INTS7: variants seen among roughly 807,000 people sequenced by gnomAD.
INTS7 encodes integrator complex subunit 7, also known as chromosome 1 open reading frame 73.
A neutral mutation model predicts 109.2 loss-of-function variants in INTS7; 46 were observed. The observed-to-expected ratio is 0.42, with a 90% confidence interval of 0.33 to 0.54. The LOEUF (loss-of-function observed/expected upper bound fraction) is 0.54, where lower values mean the gene tolerates loss of function less well. INTS7 is among the 20% of genes least tolerant of loss of function. The pLI is 0.07. For synonymous variants in INTS7, 412 were observed against 402.9 expected, an observed-to-expected ratio of 1.02 and a Z score of -0.27; for missense variants, 929 against 1,132.4, an observed-to-expected ratio of 0.82 and a Z score of 2.58.
chr1:212,035,504 T>TCC lies in INTS7; in HGVS notation c.-69_-68dup. 3 of 1,173,160 alleles carry TCC rather than the reference T, an allele frequency of 2.6e-6. No individual in the cohort carries two copies. The highest frequency in any genetic ancestry group is 2.3e-5 in the East Asian group (1 of 42,830). The allele number at this position is 1,173,160 out of a possible 1,614,324, so 72.7% of individuals were successfully genotyped here. On this transcript the variant is annotated 5_prime_UTR_variant, in exon 1 of 20. Transcript: ENST00000366994. The stretch of plus-strand genomic sequence containing the variant: ...AAACTCTACCCCAGGACCGCCATCT[T>TCC]CCCCCGCCGCCTTCTTGCTGGTTTT...
chr1:212,007,228 G>A (rs980244680), intron 6 of INTS7, 22 bp downstream of exon 6: 1 of 1,551,694 alleles, frequency 6.4e-7, no homozygotes, highest in Non-Finnish European at 8.9e-7. Context: ...AAGATAGGCA[G>A]TTTAAAGAAA....
Position 211,968,545 on chromosome 1 carries a change from C to G in INTS7, c.1978G>C (p.Asp660His). 6.2e-7 allele frequency: 1 copy of G among 1,613,930 alleles called. No homozygotes were observed. Among genetic ancestry groups the G allele is most frequent in the Non-Finnish European group, 8.5e-7 (1 of 1,179,932 alleles). ...ATTIAMTLGN[D>H]LQRCGRISNQ... ...GAGATGCGACCACACCTCTGGAGGT[C>G]ATTTCCTAAGGTCATGGCAATTGTT... The change falls in exon 14 of 20, where the codon GAC (aspartate) becomes CAC (histidine). Residue 660 changes from aspartate (D) to histidine (H), a missense_variant. Asp to His is a moderately conservative substitution (Grantham distance 81, BLOSUM62 -1). Around this residue, in one of 2 missense-constraint regions of INTS7, gnomAD observed 787 missense variants for 901.1 expected, o/e 0.87. Transcript: ENST00000366994.
In INTS7 at chr1:211,946,747, C is replaced by A; in HGVS notation, c.2317-42G>T. Reference sequence around the variant, plus strand: ...ACTAAATCAAATAAAAATAAATTTTCAAATTTCATCAACAAGTGGTACATT... The same window carrying A: ...ACTAAATCAAATAAAAATAAATTTTAAAATTTCATCAACAAGTGGTACATT... On this transcript the variant is annotated intron_variant, in intron 17 of 19. Transcript: ENST00000366994. This position sits in a 1 kb window ranked among gnomAD's most constrained non-coding sequence, Gnocchi z 4.3. The A allele has an allele frequency of 7.2e-7, 1 of 1,380,078 alleles. No individual in the cohort carries two copies. Among genetic ancestry groups the A allele is most frequent in the South Asian group, 1.2e-5 (1 of 82,854 alleles). 85.5% of individuals were successfully genotyped at this position (1,380,078 alleles called of 1,614,324 possible).
intron 17 of INTS7, among the ~76,000 whole-genome samples, chr1:211,949,639 G>A (rs1440781723): frequency 6.6e-6 from 1 of 152,002 alleles, no homozygotes; most frequent in East Asian, 1.9e-4. Context: ...TCCACACCCT[G>A]CCAGCCATTT....
intron 5 of INTS7, among the ~76,000 whole-genome samples, chr1:212,009,515 C>G (rs186119235): frequency 3.1e-4 from 47 of 152,290 alleles, no homozygotes; most frequent in African/African-American, 8.9e-4. Context: ...AGGGTCACAT[C>G]ATGCTCCTGG....
chr1:211,970,764 G>A (rs146154875), intron 13 of INTS7, among the ~76,000 whole-genome samples: 12 of 152,290 alleles, frequency 7.9e-5, no homozygotes, highest in African/African-American at 2.9e-4. Context: ...ACCAGACAAA[G>A]AGAAAAATGT....
chr1:211,963,100 G>A (rs115430470), intron 16 of INTS7, among the ~76,000 whole-genome samples: 3,966 of 152,096 alleles, frequency 0.026, 57 homozygotes, highest in African/African-American at 0.046. Context: ...AAAAAAATTA[G>A]TATCTATTTG....
intron 7 of INTS7, among the ~76,000 whole-genome samples, chr1:211,992,310 A>C (rs996947961): frequency 1.3e-5 from 2 of 152,090 alleles, no homozygotes; most frequent in African/African-American, 4.8e-5. Flanking sequence ...ACTAGGTGAG[A>C]GATTTTATAT....
intron 12 of INTS7, among the ~76,000 whole-genome samples, chr1:211,976,230 G>T (rs565441332): frequency 2.0e-5 from 3 of 152,172 alleles, no homozygotes; most frequent in Non-Finnish European, 4.4e-5. Context: ...AGAATGACAA[G>T]ACTGGGGAGA....
chr1:212,031,184 T>C (rs1353150001), intron 1 of INTS7, among the ~76,000 whole-genome samples: 2 of 152,198 alleles, frequency 1.3e-5, no homozygotes, highest in Non-Finnish European at 2.9e-5. Context: ...AGGTCAACAT[T>C]GCAGAAGGCA....
chr1:212,004,906 G>A (rs1291466607), intron 7 of INTS7, among the ~76,000 whole-genome samples: 1 of 152,218 alleles, frequency 6.6e-6, no homozygotes, highest in Non-Finnish European at 1.5e-5. Flanking sequence ...TGTTGGTACG[G>A]ATGTGATTAA....
chr1:212,011,960 C>A (rs569807162), intron 4 of INTS7, among the ~76,000 whole-genome samples: 72 of 152,188 alleles, frequency 4.7e-4, no homozygotes, highest in African/African-American at 1.6e-3. Flanking sequence ...TTTAAAAATT[C>A]TTAATGTCAA....
At position 211,981,265 on chromosome 1, in the gene INTS7, C is replaced by A; in HGVS notation, c.1133-75G>T. On this transcript the variant is annotated intron_variant, in intron 9 of 19. Transcript: ENST00000366994. ...ACACACACACATATACATGCATACA[C>A]ACTCTCTTAGAAAAAACATTAAGGA... The A allele has an allele frequency of 1.0e-5, 9 of 860,362 alleles. No homozygotes were observed. The South Asian group carries it at 1.4e-4, about 13-fold the overall frequency. 53.3% of individuals were successfully genotyped at this position (860,362 alleles called of 1,614,324 possible). A position where few individuals can be genotyped will look rare whatever the true frequency, so the allele number is the denominator to read the frequency against.
intron 17 of INTS7, among the ~76,000 whole-genome samples, chr1:211,951,479 T>A (rs1663087599): frequency 6.6e-6 from 1 of 152,164 alleles, no homozygotes; most frequent in African/African-American, 2.4e-5. Flanking sequence ...AGCTAATTTT[T>A]GCATTTTCAG....
At chr1:212,024,396 T>A (rs1666832598) in intron 1 of INTS7, among the ~76,000 whole-genome samples, 1 of 152,224 alleles carries the variant, frequency 6.6e-6, no homozygotes, top group Admixed American at 6.5e-5. Flanking sequence ...GTTTTGTAGT[T>A]CTCGTTGTAG....
At chr1:212,002,226 C>T (rs1221487005) in intron 7 of INTS7, among the ~76,000 whole-genome samples, 1 of 152,190 alleles carries the variant, frequency 6.6e-6, no homozygotes, top group African/African-American at 2.4e-5. Context: ...ATTACCACTT[C>T]TCACTACCAC....
intron 7 of INTS7, among the ~76,000 whole-genome samples, chr1:211,995,756 G>A (rs1334069017): frequency 6.6e-6 from 1 of 152,172 alleles, no homozygotes; most frequent in East Asian, 1.9e-4. Context: ...AGGCCATAGG[G>A]AAGGAGCCCT....
At position 211,944,808 on chromosome 1, in the gene INTS7, C is replaced by T. The variant is rs1204286450; in HGVS notation, c.2577G>A (p.Gln859=). ...SVCLNVSSTL[Q]SKSGQDYKIP... ...CCTTGTAGTCTTGTCCAGATTTACTCTGCAGTGTGGAAGAAACATTCAGAC... is the reference window on the plus strand; with the variant it reads ...CCTTGTAGTCTTGTCCAGATTTACTTTGCAGTGTGGAAGAAACATTCAGAC... The change falls in exon 19 of 20, where the codon CAG becomes CAA. Residue 859 remains glutamine, a synonymous_variant. Transcript: ENST00000366994. The T allele has an allele frequency of 1.2e-6, 2 of 1,614,010 alleles. No individual in the cohort carries two copies. Among genetic ancestry groups the T allele is most frequent in the East Asian group, 4.5e-5 (2 of 44,898 alleles).
At chr1:211,984,274 C>T (rs1199543775) in intron 8 of INTS7, among the ~76,000 whole-genome samples, 1 of 152,046 alleles carries the variant, frequency 6.6e-6, no homozygotes, top group East Asian at 1.9e-4. Context: ...AATGCGGAGT[C>T]ATCTATAAAT....
Sources: gnomAD v4.1 joint callset for allele counts (sites outside exome capture counted in the v4.1 genomes callset) on GRCh38, gnomAD v4.1.1 for gene constraint, gnomAD v4.1.1 regional missense constraint, Gnocchi (gnomAD v3.1) non-coding constraint, MANE v1.5 for transcripts, NCBI Gene and HGNC (gene_info 2026-07-23, HGNC 2026-07-21) for gene names.